CLEC16A: variants seen among roughly 807,000 people sequenced by gnomAD.
The protein encoded by CLEC16A is protein CLEC16A.
A neutral mutation model predicts 109.5 loss-of-function variants in CLEC16A; 51 were observed. The ratio of observed to expected loss-of-function variants is 0.47; its 90% confidence interval spans 0.37 to 0.59. CLEC16A has a LOEUF of 0.59. Ranked by LOEUF, CLEC16A falls within the 20% of genes least tolerant of loss-of-function variation. CLEC16A has a pLI of 0.00. For synonymous variants in CLEC16A, 673 were observed against 564.2 expected (o/e 1.19, Z -2.73); for missense variants, 1,339 against 1,394.0 (o/e 0.96, Z 0.63).
chr16:11,050,156 G>C (rs117141648), intron 17 of CLEC16A, among the ~76,000 whole-genome samples: 27 of 152,226 alleles, frequency 1.8e-4, no homozygotes, highest in African/African-American at 6.0e-4. Flanking sequence ...GAAAGGGCAA[G>C]ACAGAGCAAG....
intron 12 of CLEC16A, 144 bp downstream of exon 12, chr16:11,020,469 C>T: frequency 1.9e-6 from 2 of 1,064,994 alleles, no homozygotes; most frequent in Admixed American, 3.0e-5. Context: ...TTCTCCAGCT[C>T]TGGCCACCCA....
In CLEC16A at chr16:10,944,712, G is replaced by A. The variant is rs1359661272; in HGVS notation, c.-6G>A. 1 of 1,603,176 alleles carries A rather than the reference G, an allele frequency of 6.2e-7. No homozygotes were observed. The highest frequency in any genetic ancestry group is 1.1e-5 in the South Asian group (1 of 89,220). ...GTGAGACGAGAGACGGGTCGGGGCC[G>A]CCGACATGTTTGGCCGCTCGCGGAG... On this transcript the variant is annotated 5_prime_UTR_variant, in exon 1 of 24. Transcript: ENST00000409790.
At chr16:11,049,398 A>G (rs948535405) in intron 17 of CLEC16A, among the ~76,000 whole-genome samples, 5 of 152,154 alleles carry the variant, frequency 3.3e-5, no homozygotes, top group Admixed American at 6.5e-5. Context: ...TCATGGGTCC[A>G]TACACAACAA....
intron 22 of CLEC16A, among the ~76,000 whole-genome samples, chr16:11,142,616 T>C (rs2053888888): frequency 6.6e-6 from 1 of 152,142 alleles, no homozygotes; most frequent in Non-Finnish European, 1.5e-5. Context: ...GCCTCTGCAG[T>C]GGAGATTTAA....
intron 8 of CLEC16A, among the ~76,000 whole-genome samples, chr16:10,978,614 C>T (rs1200504748): frequency 1.3e-5 from 2 of 152,122 alleles, no homozygotes; most frequent in Admixed American, 6.5e-5. Flanking sequence ...TTTCAAAGCA[C>T]GCTGCTTTTC....
At chr16:11,141,542 TTTCA>T (rs902590954) in intron 22 of CLEC16A, among the ~76,000 whole-genome samples, 95 of 152,050 alleles carry the variant, frequency 6.2e-4, no homozygotes, top group African/African-American at 2.2e-3. Flanking sequence ...GACATGTGAG[TTTCA>T]TTCTGCGTGC....
chr16:11,133,545 G>T (rs930507404), intron 22 of CLEC16A, among the ~76,000 whole-genome samples: 1 of 152,106 alleles, frequency 6.6e-6, no homozygotes, highest in Non-Finnish European at 1.5e-5. Context: ...AGAAATGACA[G>T]TGTGCTATGA....
chr16:11,006,322 A>AG (rs2045007864), intron 11 of CLEC16A, among the ~76,000 whole-genome samples: 3 of 152,344 alleles, frequency 2.0e-5, no homozygotes, highest in African/African-American at 7.2e-5. Context: ...ATCAGAAGCA[A>AG]GGGGCAGGGA....
At chr16:11,020,058 A>G in intron 11 of CLEC16A, 135 bp from the exon 12 acceptor site, 1 of 959,732 alleles carries the variant, frequency 1.0e-6, no homozygotes, top group African/African-American at 1.7e-5. Flanking sequence ...TCTGGTGTTC[A>G]GGTCGCTGCT....
At chr16:11,157,417 G>T (rs1364554417) in intron 22 of CLEC16A, among the ~76,000 whole-genome samples, 1 of 152,218 alleles carries the variant, frequency 6.6e-6, no homozygotes, top group Non-Finnish European at 1.5e-5. Context: ...CCATTTGGGG[G>T]CAAGTCCTTC....
chr16:11,170,765 G>A (rs1176990363), intron 23 of CLEC16A, among the ~76,000 whole-genome samples: 3 of 152,242 alleles, frequency 2.0e-5, no homozygotes, highest in Admixed American at 2.0e-4. Flanking sequence ...GGGATACAAT[G>A]TGGCAAAAAG....
intron 1 of CLEC16A, among the ~76,000 whole-genome samples, chr16:10,956,240 A>G (rs1335172486): frequency 6.6e-6 from 1 of 152,242 alleles, no homozygotes; most frequent in Non-Finnish European, 1.5e-5. Context: ...AATTAATTAA[A>G]TGCTTGATTA....
intron 1 of CLEC16A, among the ~76,000 whole-genome samples, chr16:10,952,024 G>T (rs948492862): frequency 2.0e-5 from 3 of 152,188 alleles, no homozygotes; most frequent in Admixed American, 2.0e-4. Flanking sequence ...CACTGAAATG[G>T]ATAATGCAAC....
intron 1 of CLEC16A, among the ~76,000 whole-genome samples, chr16:10,946,540 C>A (rs36094971): frequency 6.6e-6 from 1 of 151,444 alleles, no homozygotes; most frequent in African/African-American, 2.4e-5. Flanking sequence ...GGCAGCTGGC[C>A]GGGAAAGGGA....
intron 19 of CLEC16A, chr16:11,070,478 A>G (rs2049011007): frequency 6.6e-6 from 1 of 151,284 alleles, no homozygotes; most frequent in East Asian, 1.9e-4. Flanking sequence ...AGGTGCTGGG[A>G]TTACATTCAT....
chr16:10,993,738 T>C (rs1161265009), intron 10 of CLEC16A, among the ~76,000 whole-genome samples: 1 of 151,900 alleles, frequency 6.6e-6, no homozygotes, highest in Admixed American at 6.6e-5. Flanking sequence ...GGTTTGTCAT[T>C]GTTTAGTAAG....
intron 1 of CLEC16A, among the ~76,000 whole-genome samples, chr16:10,946,936 T>G (rs1434105686): frequency 6.6e-6 from 1 of 152,256 alleles, no homozygotes; most frequent in African/African-American, 2.4e-5. Context: ...TTATACTGTC[T>G]TTCTGAATAA....
chr16:11,172,993 GC>G (rs2141007495), intron 23 of CLEC16A, among the ~76,000 whole-genome samples: 1 of 152,234 alleles, frequency 6.6e-6, no homozygotes, highest in Non-Finnish European at 1.5e-5. Flanking sequence ...GCTGTTGACG[GC>G]CCAGTGCAGG....
chr16:11,007,517 C>G (rs950458060), intron 11 of CLEC16A, among the ~76,000 whole-genome samples: 1 of 152,228 alleles, frequency 6.6e-6, no homozygotes, highest in Non-Finnish European at 1.5e-5. Flanking sequence ...ATTGCCCTCT[C>G]TGCACTTCTC....
Sources: allele counts gnomAD v4.1 joint callset (sites outside exome capture counted in the v4.1 genomes callset), GRCh38; gene constraint gnomAD v4.1.1; transcripts MANE v1.5; gene names NCBI Gene and HGNC (gene_info 2026-07-23, HGNC 2026-07-21).